MACROD2: variants seen among roughly 807,000 people sequenced by gnomAD.
MACROD2 encodes mono-ADP ribosylhydrolase 2.
Under a neutral mutation model 70.4 loss-of-function variants are expected in MACROD2, and 36 were observed. That is an observed-to-expected ratio of 0.51 (90% confidence interval 0.39 to 0.68). The LOEUF (loss-of-function observed/expected upper bound fraction) is 0.68. Ranked by LOEUF, MACROD2 falls within the 30% of genes least tolerant of loss-of-function variation. MACROD2 has a pLI of 0.00. For synonymous variants in MACROD2, 172 were observed against 178.8 expected (o/e 0.96, Z 0.30); for missense variants, 496 against 538.4 (o/e 0.92, Z 0.78).
intron 3 of MACROD2, among the ~76,000 whole-genome samples, chr20:14,492,322 T>A (rs2084804041): frequency 6.6e-6 from 1 of 152,182 alleles, no homozygotes; most frequent in Non-Finnish European, 1.5e-5. Flanking sequence ...GACAGTCCCA[T>A]ACTTGGAAGA....
At chr20:14,529,422 G>A (rs73901269) in intron 4 of MACROD2, among the ~76,000 whole-genome samples, 7,222 of 152,208 alleles carry the variant, frequency 0.047, 428 homozygotes, top group African/African-American at 0.14. Flanking sequence ...TGGCTACCAC[G>A]ACTCCTAGAC....
chr20:15,558,001 T>C (rs1055111198), intron 8 of MACROD2, among the ~76,000 whole-genome samples: 3 of 152,216 alleles, frequency 2.0e-5, no homozygotes, highest in Non-Finnish European at 4.4e-5. Context: ...TTAGGCACTG[T>C]AATACGCTTT....
At chr20:14,451,982 G>A (rs532030893) in intron 3 of MACROD2, among the ~76,000 whole-genome samples, 4 of 152,194 alleles carry the variant, frequency 2.6e-5, no homozygotes, top group Non-Finnish European at 4.4e-5. Flanking sequence ...AGCACATAAA[G>A]CTCACGCTCA....
At chr20:14,567,026 T>C (rs1296051377) in intron 4 of MACROD2, 2 of 151,914 alleles carry the variant, frequency 1.3e-5, no homozygotes, top group Admixed American at 6.6e-5. Flanking sequence ...AGCATGATCA[T>C]TGCACACAGA....
chr20:14,999,799 C>T (rs1470084833), intron 5 of MACROD2, among the ~76,000 whole-genome samples: 1 of 152,186 alleles, frequency 6.6e-6, no homozygotes, highest in African/African-American at 2.4e-5. Flanking sequence ...TTGCAAGCCT[C>T]ATGGTAACCT....
chr20:14,104,394 CAGAT>C (rs2054341403), intron 3 of MACROD2, among the ~76,000 whole-genome samples: 3 of 152,150 alleles, frequency 2.0e-5, no homozygotes, highest in African/African-American at 7.2e-5. Flanking sequence ...CTAAGAAACT[CAGAT>C]AGCCGAAGTT....
At chr20:14,619,832 C>T (rs974237813) in intron 4 of MACROD2, among the ~76,000 whole-genome samples, 6 of 152,100 alleles carry the variant, frequency 3.9e-5, no homozygotes, top group Admixed American at 1.3e-4. Context: ...ATTTCTTGTT[C>T]GTGCTATGAT....
intron 5 of MACROD2, among the ~76,000 whole-genome samples, chr20:15,040,950 TGATTGAAGCA>T (rs2075351698): frequency 6.6e-6 from 1 of 152,252 alleles, no homozygotes; most frequent in South Asian, 2.1e-4. Flanking sequence ...TATTAATGAT[TGATTGAAGCA>T]GATAAAATCT....
chr20:14,227,116 T>C (rs1228708546), intron 3 of MACROD2, among the ~76,000 whole-genome samples: 3 of 152,164 alleles, frequency 2.0e-5, no homozygotes, highest in African/African-American at 7.2e-5. Context: ...CACCAATCTA[T>C]ACTCTGTATC....
At chr20:15,471,594 C>T (rs982053857) in intron 7 of MACROD2, among the ~76,000 whole-genome samples, 1 of 152,192 alleles carries the variant, frequency 6.6e-6, no homozygotes, top group Non-Finnish European at 1.5e-5. Context: ...CTGACCTGAC[C>T]TTCTGCCAAG....
intron 5 of MACROD2, among the ~76,000 whole-genome samples, chr20:15,076,954 A>T (rs2075663217): frequency 6.6e-6 from 1 of 152,176 alleles, no homozygotes; most frequent in East Asian, 1.9e-4. Context: ...TAAAATTTGC[A>T]AATTACTTCA....
At chr20:15,512,545 T>C (rs1256598913) in intron 8 of MACROD2, among the ~76,000 whole-genome samples, 1 of 152,230 alleles carries the variant, frequency 6.6e-6, no homozygotes, top group Non-Finnish European at 1.5e-5. Flanking sequence ...ATTATATTGG[T>C]TCCTGAAACA....
intron 3 of MACROD2, among the ~76,000 whole-genome samples, chr20:14,087,054 A>G (rs775876990): frequency 2.2e-4 from 34 of 152,204 alleles, no homozygotes; most frequent in Admixed American, 8.5e-4. Flanking sequence ...CTGGCAATTT[A>G]GCAGAAAGTT....
chr20:15,765,136 C>T (rs1353672792), intron 8 of MACROD2, among the ~76,000 whole-genome samples: 1 of 152,194 alleles, frequency 6.6e-6, no homozygotes, highest in Non-Finnish European at 1.5e-5. Context: ...CCTCCATGCT[C>T]TATAGGCTCT....
At chr20:14,678,561 G>C (rs2070891046) in intron 4 of MACROD2, among the ~76,000 whole-genome samples, 1 of 151,950 alleles carries the variant, frequency 6.6e-6, no homozygotes, top group Non-Finnish European at 1.5e-5. Context: ...TTAGATTTCT[G>C]ATCTTGGGTT....
chr20:14,966,421 A>G (rs1349283479), intron 5 of MACROD2, among the ~76,000 whole-genome samples: 1 of 152,104 alleles, frequency 6.6e-6, no homozygotes, highest in Non-Finnish European at 1.5e-5. Context: ...ACGAAGAATA[A>G]AAAAGTCATT....
intron 3 of MACROD2, among the ~76,000 whole-genome samples, chr20:14,301,890 TA>T (rs746448368): frequency 9.8e-5 from 15 of 152,330 alleles, no homozygotes; most frequent in Non-Finnish European, 2.1e-4. Context: ...TCAGATCTTT[TA>T]TGCATAACTA....
At chr20:14,613,749 G>A (rs1983308699) in intron 4 of MACROD2, among the ~76,000 whole-genome samples, 1 of 151,958 alleles carries the variant, frequency 6.6e-6, no homozygotes, top group South Asian at 2.1e-4. Flanking sequence ...AATGATAGGA[G>A]TTTTAAAAAA....
chr20:14,907,223 G>A (rs932010610), intron 5 of MACROD2, among the ~76,000 whole-genome samples: 1 of 152,174 alleles, frequency 6.6e-6, no homozygotes. Flanking sequence ...CCCTTAATTT[G>A]CATACAATTG....
Sources: gnomAD v4.1 joint callset for allele counts (sites outside exome capture counted in the v4.1 genomes callset) on GRCh38, gnomAD v4.1.1 for gene constraint, MANE v1.5 for transcripts, NCBI Gene and HGNC (gene_info 2026-07-23, HGNC 2026-07-21) for gene names.